Variants in FGGY observed in about 807,000 individuals in gnomAD.
The protein encoded by FGGY is FGGY carbohydrate kinase domain containing, also known as FGGY carbohydrate kinase domain-containing protein.
In FGGY, 72 loss-of-function variants were observed where a neutral mutation model predicts 71.3. That is an observed-to-expected ratio of 1.01 (90% CI 0.84 to 1.23). FGGY has a LOEUF of 1.23. Among genes scored for constraint, FGGY ranks in the 50% most tolerant of loss-of-function variants. The pLI is 0.00. For synonymous variants in FGGY, 251 were observed against 250.3 expected (o/e 1.00, Z -0.02); for missense variants, 668 against 682.3 (o/e 0.98, Z 0.23).
intron 9 of FGGY, among the ~76,000 whole-genome samples, chr1:59,608,190 A>G (rs1572027973): frequency 6.6e-6 from 1 of 152,200 alleles, no homozygotes; most frequent in Admixed American, 6.5e-5. Context: ...TATTCTACTT[A>G]GAGAAAACGA....
chr1:59,576,855 C>T (rs944858039), intron 8 of FGGY, among the ~76,000 whole-genome samples: 3 of 152,118 alleles, frequency 2.0e-5, no homozygotes, highest in Non-Finnish European at 4.4e-5. Context: ...GTGAACTTCT[C>T]TATGGCAGGA....
intron 3 of FGGY, among the ~76,000 whole-genome samples, chr1:59,341,651 A>C (rs753576354): frequency 4.1e-4 from 63 of 152,292 alleles, no homozygotes; most frequent in African/African-American, 1.2e-3. Flanking sequence ...CTCAGTTGGC[A>C]CTGTTCTGGC....
chr1:59,689,550 G>A (rs1336430904), intron 14 of FGGY, among the ~76,000 whole-genome samples: 1 of 151,520 alleles, frequency 6.6e-6, no homozygotes, highest in Non-Finnish European at 1.5e-5. Context: ...CAAGCTGATA[G>A]TCTCACTTTA....
intron 14 of FGGY, among the ~76,000 whole-genome samples, chr1:59,732,932 CT>C (rs985774491): frequency 6.6e-6 from 1 of 152,128 alleles, no homozygotes; most frequent in East Asian, 1.9e-4. Context: ...CACCTTCCCC[CT>C]GTTCCCCGTA....
intron 8 of FGGY, among the ~76,000 whole-genome samples, chr1:59,572,421 G>A (rs1365564310): frequency 2.0e-5 from 3 of 152,168 alleles, no homozygotes; most frequent in East Asian, 3.9e-4. Context: ...AGCAAAAAGG[G>A]GTAGCATATG....
chr1:59,606,905 C>T (rs939996660), intron 8 of FGGY, among the ~76,000 whole-genome samples: 2 of 152,138 alleles, frequency 1.3e-5, no homozygotes, highest in Non-Finnish European at 2.9e-5. Context: ...TTGTATAGCT[C>T]CTCCACTAGA....
chr1:59,614,031 A>G (rs1481001595), intron 9 of FGGY, among the ~76,000 whole-genome samples: 1 of 152,224 alleles, frequency 6.6e-6, no homozygotes, highest in Non-Finnish European at 1.5e-5. Context: ...AAAAAAGTAC[A>G]GGACCAGACG....
At chr1:59,335,691 T>A (rs1471200354) in intron 2 of FGGY, among the ~76,000 whole-genome samples, 1 of 152,178 alleles carries the variant, frequency 6.6e-6, no homozygotes, top group Non-Finnish European at 1.5e-5. Context: ...ATTGTCAGTC[T>A]TTGTGATAAT....
chr1:59,359,938 A>G (rs1570959257), intron 4 of FGGY, among the ~76,000 whole-genome samples: 1 of 152,144 alleles, frequency 6.6e-6, no homozygotes, highest in African/African-American at 2.4e-5. Flanking sequence ...GTTTCTCATT[A>G]TGGCTTTGCT....
intron 8 of FGGY, among the ~76,000 whole-genome samples, chr1:59,607,319 AGAC>A: frequency 6.6e-6 from 1 of 152,226 alleles, no homozygotes; most frequent in African/African-American, 2.4e-5. Context: ...GAGGAGCGAA[AGAC>A]AGAACAGAAG....
chr1:59,748,925 C>T (rs915756748), intron 14 of FGGY, among the ~76,000 whole-genome samples: 1 of 152,118 alleles, frequency 6.6e-6, no homozygotes, highest in African/African-American at 2.4e-5. Flanking sequence ...AACTTTCAGC[C>T]CCTCCCCTGA....
chr1:59,583,517 T>A lies in FGGY; in HGVS notation c.904-24286T>A, dbSNP rs191523140. 1.5e-3 allele frequency among the ~76,000 whole-genome samples: 218 copies of A among 143,358 alleles called. 44 individuals are homozygous for A. Among genetic ancestry groups the A allele is most frequent in the African/African-American group, 5.7e-3 (207 of 36,634 alleles). 94.0% of individuals were successfully genotyped at this position (143,358 alleles called of 152,430 possible). On this transcript the variant is annotated intron_variant, in intron 8 of 15. Coordinates refer to ENST00000303721, the MANE Select transcript of FGGY (RefSeq NM_018291.5). ...TTATGGAGGTATCTTGAGGATTGGTTGAAGTAGTGAGCATGAAAGGTCTCT... is the reference window on the plus strand; with the variant it reads ...TTATGGAGGTATCTTGAGGATTGGTAGAAGTAGTGAGCATGAAAGGTCTCT...
chr1:59,368,375 A>T (rs529286466), intron 4 of FGGY, among the ~76,000 whole-genome samples: 27 of 152,152 alleles, frequency 1.8e-4, no homozygotes, highest in African/African-American at 6.5e-4. Context: ...CTCTGATTGG[A>T]CTGGGAGGTT....
chr1:59,472,241 G>A (rs952012427), intron 6 of FGGY, among the ~76,000 whole-genome samples: 4 of 152,230 alleles, frequency 2.6e-5, no homozygotes, highest in Non-Finnish European at 4.4e-5. Context: ...CGGCTCCACC[G>A]GCCCAGGGCA....
intron 12 of FGGY, among the ~76,000 whole-genome samples, chr1:59,666,338 A>G (rs1558735117): frequency 6.6e-6 from 1 of 152,166 alleles, no homozygotes; most frequent in Non-Finnish European, 1.5e-5. Flanking sequence ...CCCTTTCTCA[A>G]ACATCACCAT....
chr1:59,646,418 C>T (rs1208025282), intron 11 of FGGY, among the ~76,000 whole-genome samples: 1 of 151,292 alleles, frequency 6.6e-6, no homozygotes, highest in Non-Finnish European at 1.5e-5. Flanking sequence ...TATATATAAT[C>T]ACAATACCAA....
chr1:59,607,628 C>G (rs1293253562), intron 8 of FGGY, among the ~76,000 whole-genome samples, 175 bp from the exon 9 acceptor site: 1 of 152,118 alleles, frequency 6.6e-6, no homozygotes, highest in Non-Finnish European at 1.5e-5. Context: ...ATGAATTTAT[C>G]AGGAAAGTTT....
intron 2 of FGGY, among the ~76,000 whole-genome samples, chr1:59,337,081 G>C (rs2049749709): frequency 7.0e-6 from 1 of 143,292 alleles, no homozygotes; most frequent in Admixed American, 6.8e-5. Flanking sequence ...AAGAAAGTTT[G>C]TTAGGGAGAA....
intron 5 of FGGY, among the ~76,000 whole-genome samples, chr1:59,394,185 G>A (rs2061038262): frequency 6.6e-6 from 1 of 152,194 alleles, no homozygotes; most frequent in African/African-American, 2.4e-5. Flanking sequence ...ATCCAGCCCT[G>A]CAAAGGGTAC....
Sources: gnomAD v4.1 joint callset for allele counts (sites outside exome capture counted in the v4.1 genomes callset) on GRCh38, gnomAD v4.1.1 for gene constraint, MANE v1.5 for transcripts, NCBI Gene and HGNC (gene_info 2026-07-23, HGNC 2026-07-21) for gene names.